Variants in LAMA5 observed in about 807,000 individuals in gnomAD.
The protein encoded by LAMA5 is laminin subunit alpha-5.
A neutral mutation model predicts 433.4 loss-of-function variants in LAMA5; 260 were observed. The ratio of observed to expected loss-of-function variants is 0.60; its 90% CI spans 0.54 to 0.66. The LOEUF (loss-of-function observed/expected upper bound fraction) is 0.66. Ranked by LOEUF, LAMA5 falls within the 30% of genes least tolerant of loss-of-function variation. The pLI is 0.00. For missense variants in LAMA5, 5,378 were observed against 5,258.5 expected, an observed-to-expected ratio of 1.02 and a Z score of -0.70; for synonymous variants, 2,620 against 2,226.6, an observed-to-expected ratio of 1.18 and a Z score of -4.97.
chr20:62,321,676 AGTG>A, intron 48 of LAMA5, among the ~76,000 whole-genome samples: 1 of 74,126 alleles, frequency 1.3e-5, no homozygotes, highest in Non-Finnish European at 2.5e-5. Flanking sequence ...GGGTGGGGTC[AGTG>A]GAGGGGTGGG....
intron 52 of LAMA5, 56 bp downstream of exon 52, chr20:62,318,787 G>A: frequency 6.3e-7 from 1 of 1,591,704 alleles, no homozygotes; most frequent in South Asian, 1.1e-5. Context: ...CTCCCCCTTG[G>A]AGCTCCCAGG....
intron 11 of LAMA5, among the ~76,000 whole-genome samples, chr20:62,344,424 C>T (rs961294078): frequency 5.3e-5 from 8 of 152,038 alleles, no homozygotes; most frequent in African/African-American, 1.7e-4. Context: ...TGCCATGCTG[C>T]TCTGTGGCTG....
At chr20:62,349,680 G>A (rs867831298) in intron 6 of LAMA5, among the ~76,000 whole-genome samples, 1 of 20,962 alleles carries the variant, frequency 4.8e-5, no homozygotes, top group South Asian at 1.7e-3. Flanking sequence ...GGGGGTGATG[G>A]GGGTGATGAT....
chr20:62,342,721 G>A (rs943965019), intron 11 of LAMA5, among the ~76,000 whole-genome samples: 2 of 152,106 alleles, frequency 1.3e-5, no homozygotes, highest in African/African-American at 4.8e-5. Context: ...AGAAAAACAG[G>A]TATCAGGACT....
Position 62,333,565 on chromosome 20 carries a change from A to G in LAMA5, c.3020T>C (p.Leu1007Pro). 6.4e-7 allele frequency: 1 copy of G among 1,566,058 alleles called. No individual in the cohort carries two copies. The highest frequency in any genetic ancestry group is 8.7e-7 in the Non-Finnish European group (1 of 1,155,562). ...CCCTCACTCTGGCCCCTGCCTCACC[A>G]GGAGCACCCCTTCGGCCTCCACACG... ...ALRVEAEGVL[L>P]DYVVLLPSAY... The change falls in exon 24 of 80, where the codon CTG becomes CCG. Residue 1007 changes from leucine to proline, a missense_variant and splice_region_variant. By Grantham distance (98) the Leu-to-Pro change is moderately conservative. Transcript: ENST00000252999.
At position 62,338,290 on chromosome 20, in the gene LAMA5, G is replaced by A. The variant is rs758524258; in HGVS notation, c.1698C>T (p.Phe566=). Residue 566 remains phenylalanine (F), a synonymous_variant, in exon 13 of 80, where the codon TTC becomes TTT. Coordinates refer to ENST00000252999, the MANE Select transcript of LAMA5 (RefSeq NM_005560.6). ...DTGQCRCRVG[F]EGATCDRCAP... is the part of the protein sequence containing the mutation. ...CACAGCGATCACATGTGGCCCCCTC[G>A]AAGCCCACTCGGCACCTGCACTGGC... 12 of 1,603,466 alleles carry A rather than the reference G, an allele frequency of 7.5e-6. No individual in the cohort carries two copies. The highest frequency in any genetic ancestry group is 2.3e-5 in the East Asian group (1 of 44,368).
Position 62,346,747 on chromosome 20 carries a change from G to T in LAMA5, c.1126C>A (p.Arg376=). ...TDCYYDPEVD[R]RRASQSLDGT... Reference sequence around the variant, plus strand: ...TCCAGGCTCTGGCTGGCGCGGCGCCGGTCCACCTCAGGGTCGTAGTAACAG... The same window carrying T: ...TCCAGGCTCTGGCTGGCGCGGCGCCTGTCCACCTCAGGGTCGTAGTAACAG... The change falls in exon 8 of 80, where the codon CGG becomes AGG. Residue 376 remains arginine (R), a synonymous_variant. Transcript: ENST00000252999. The T allele has an allele frequency of 6.2e-7, 1 of 1,612,962 alleles. No homozygotes were observed. The highest frequency in any genetic ancestry group is 8.5e-7 in the Non-Finnish European group (1 of 1,179,858).
chr20:62,333,065 C>T lies in LAMA5; in HGVS notation c.3282+25G>A, dbSNP rs555334993. 4 of 1,476,800 alleles carry T rather than the reference C, an allele frequency of 2.7e-6. No homozygotes were observed. In the East Asian group the frequency reaches 9.5e-5, roughly 35 times the overall value. The allele number at this position is 1,476,800 out of a possible 1,614,324, so 91.5% of individuals were successfully genotyped here. On this transcript the variant is annotated intron_variant, in intron 26 of 79. Transcript: ENST00000252999. ...GGCCAAGGTCCTGCAACACCCATTGCTCCGTGGGGTCCCAGGACACGCACA... is the reference window on the plus strand; with the variant it reads ...GGCCAAGGTCCTGCAACACCCATTGTTCCGTGGGGTCCCAGGACACGCACA...
rs757362614 is a variant in LAMA5, at chr20:62,313,013, G to A, written c.8956-3C>T. The A allele has an allele frequency of 6.3e-7, 1 of 1,583,828 alleles. No individual in the cohort carries two copies. Among genetic ancestry groups the A allele is most frequent in the Non-Finnish European group, 8.6e-7 (1 of 1,162,768 alleles). On this transcript the variant is annotated splice_region_variant and splice_polypyrimidine_tract_variant and intron_variant, in intron 65 of 79. Coordinates refer to ENST00000252999, the MANE Select transcript of LAMA5 (RefSeq NM_005560.6). ...ACGGCCAAGCACAGGAACTGGCTCT[G>A]CAGAAACAGGGCAGGGTTAGTGTGG...
chr20:62,323,726 T>C, intron 44 of LAMA5, 50 bp downstream of exon 44: 1 of 1,597,284 alleles, frequency 6.3e-7, no homozygotes, highest in Non-Finnish European at 8.5e-7. Context: ...CCCTCGCATA[T>C]CCTGGGGTCA....
In LAMA5 at chr20:62,324,976, G is replaced by A. The variant is rs1978996707; in HGVS notation, c.5529+340C>T. The A allele has an allele frequency of 4.9e-6, 2 of 407,468 alleles. No individual in the cohort carries two copies. The highest frequency in any genetic ancestry group is 6.9e-4 in the Middle Eastern group (1 of 1,448). 25.2% of individuals were successfully genotyped at this position (407,468 alleles called of 1,614,324 possible). On this transcript the variant is annotated intron_variant, in intron 41 of 79. Transcript: ENST00000252999. The surrounding 1 kb of genome is among the most constrained non-coding windows in gnomAD (Gnocchi z 4.4). ...CTGGACAGACACACAGTGGGCGAGGGATGGGCAGAATGACAGGCAGACGCC... is the reference window on the plus strand; with the variant it reads ...CTGGACAGACACACAGTGGGCGAGGAATGGGCAGAATGACAGGCAGACGCC...
At chr20:62,333,504 A>G (rs1980908810) in intron 24 of LAMA5, 23 bp from the exon 25 acceptor site, 1 of 1,602,700 alleles carries the variant, frequency 6.2e-7, no homozygotes, top group African/African-American at 1.3e-5. Context: ...GGTGGTGCTG[A>G]GAGTGGTGGG....
chr20:62,349,202 C>T (rs669847), intron 6 of LAMA5, among the ~76,000 whole-genome samples: 82,369 of 143,926 alleles, frequency 0.57, 26,140 homozygotes, highest in East Asian at 0.76. Context: ...ACCCGGGAGG[C>T]GGAGCTTGCA....
At chr20:62,352,588 C>T (rs114288363) in intron 3 of LAMA5, among the ~76,000 whole-genome samples, 74 of 152,164 alleles carry the variant, frequency 4.9e-4, no homozygotes, top group African/African-American at 1.5e-3. Context: ...CCCCCCTCGA[C>T]GACCATCCTC....
At position 62,367,114 on chromosome 20, in the gene LAMA5, G is replaced by C. The variant is rs1157613788; in HGVS notation, c.132C>G (p.Ser44Arg). The C allele has an allele frequency of 2.7e-5, 34 of 1,277,720 alleles. No individual in the cohort carries two copies. The highest frequency in any genetic ancestry group is 3.3e-5 in the Non-Finnish European group (34 of 1,015,264). 79.1% of individuals were successfully genotyped at this position (1,277,720 alleles called of 1,614,324 possible). A position where few individuals can be genotyped will look rare whatever the true frequency, so the allele number is the denominator to read the frequency against. Residue 44 changes from serine to arginine, a missense_variant, in exon 1 of 80, where the codon AGC (serine) becomes AGG (arginine). By Grantham distance (110) the Ser-to-Arg change is moderately radical. Coordinates refer to ENST00000252999, the MANE Select transcript of LAMA5 (RefSeq NM_005560.6). ...CCAGGTTGAAGTAGGGCGGGTGCAGGCTGAAGCCGCCGCCCGCCTCCTCCC... is the reference window on the plus strand; with the variant it reads ...CCAGGTTGAAGTAGGGCGGGTGCAGCCTGAAGCCGCCGCCCGCCTCCTCCC... Reference protein sequence around the residue: ...RAREEAGGGFSLHPPYFNLAE... With the variant: ...RAREEAGGGFRLHPPYFNLAE...
At position 62,332,790 on chromosome 20, in the gene LAMA5, C is replaced by T. The variant is rs184564301; in HGVS notation, c.3283-73G>A. The T allele has an allele frequency of 6.6e-4, 1,025 of 1,547,326 alleles. 3 individuals are homozygous for T. The African/African-American group carries it at 0.012, about 19-fold the overall frequency. ...CCACCTCCCTCCCCTCCCACTCCAG[C>T]GCCTCCCTGACCCCAGGGCCTGCCC... On this transcript the variant is annotated intron_variant, in intron 26 of 79. Transcript: ENST00000252999.
At chr20:62,316,295 AAAC>A in intron 57 of LAMA5, 1 of 576,804 alleles carries the variant, frequency 1.7e-6, no homozygotes, top group Non-Finnish European at 3.1e-6. Flanking sequence ...TGTACAGATG[AAAC>A]AATAGAGGCT....
In LAMA5 at chr20:62,310,241, C is replaced by G; in HGVS notation, c.10671G>C (p.Leu3557=). Residue 3557 remains leucine (L), a synonymous_variant, in exon 77 of 80, where the codon CTG becomes CTC. Transcript: ENST00000252999. ...LEVRPLAVTG[L]IFHLGQARTP... ...TCCGGGCCTGGCCCAAGTGGAAGAT[C>G]AGTCCGGTGACTGCCAGGGGCCGCA... The G allele has an allele frequency of 1.2e-6, 2 of 1,612,494 alleles. No individual in the cohort carries two copies. Among genetic ancestry groups the G allele is most frequent in the Non-Finnish European group, 1.7e-6 (2 of 1,179,882 alleles).
rs745518825 is a variant in LAMA5 at position 62,313,232 on chromosome 20, G to A, written c.8811C>T (p.Asp2937=). ...RPCARSKSTG[D]PWLTDGSYLD... is the part of the protein sequence containing the mutation. ...GGTAGGAGCCGTCCGTGAGCCACGGGTCCCCGGTCGACTTGGAGCTGCAGG... is the reference window on the plus strand; with the variant it reads ...GGTAGGAGCCGTCCGTGAGCCACGGATCCCCGGTCGACTTGGAGCTGCAGG... Residue 2937 remains aspartate (D), a synonymous_variant, in exon 65 of 80, where the codon GAC becomes GAT. Transcript: ENST00000252999. The A allele has an allele frequency of 2.7e-5, 39 of 1,461,544 alleles. No homozygotes were observed. Among genetic ancestry groups the A allele is most frequent in the Non-Finnish European group, 3.1e-5 (34 of 1,098,680 alleles). 90.5% of individuals were successfully genotyped at this position (1,461,544 alleles called of 1,614,324 possible). A position where few individuals can be genotyped will look rare whatever the true frequency, so the allele number is the denominator to read the frequency against.
Sources: gnomAD v4.1 joint callset for allele counts (sites outside exome capture counted in the v4.1 genomes callset) on GRCh38, gnomAD v4.1.1 for gene constraint, Gnocchi (gnomAD v3.1) non-coding constraint, MANE v1.5 for transcripts, NCBI Gene and HGNC (gene_info 2026-07-23, HGNC 2026-07-21) for gene names.